CHRM2: variants seen among roughly 807,000 people sequenced by gnomAD.
CHRM2 encodes the protein cholinergic receptor muscarinic 2, also known as muscarinic acetylcholine receptor M2.
In CHRM2, 8 loss-of-function variants were observed where a neutral mutation model predicts 25.0. That is an observed-to-expected ratio of 0.32 (90% confidence interval 0.19 to 0.58). The LOEUF is 0.58. Among genes scored for constraint, CHRM2 ranks in the 20% least tolerant of loss-of-function variants. The pLI, the probability that CHRM2 is intolerant of heterozygous loss-of-function variation, is 0.88. For synonymous variants in CHRM2, 202 were observed against 205.7 expected, an observed-to-expected ratio of 0.98 and a Z score of 0.15; for missense variants, 440 against 567.1, an observed-to-expected ratio of 0.78 and a Z score of 2.28.
At chr7:136,979,591 A>G (rs1301162446) in intron 2 of CHRM2, among the ~76,000 whole-genome samples, 2 of 152,182 alleles carry the variant, frequency 1.3e-5, no homozygotes, top group African/African-American at 4.8e-5. Flanking sequence ...CTTACATTTA[A>G]ATCTTTAATC....
At chr7:136,875,573 C>G (rs1032400351) in intron 2 of CHRM2, among the ~76,000 whole-genome samples, 1 of 152,126 alleles carries the variant, frequency 6.6e-6, no homozygotes, top group Non-Finnish European at 1.5e-5. Context: ...ACCGGTCTCC[C>G]ACTCTCCAGT....
At chr7:136,909,175 C>T (rs1264604817) in intron 2 of CHRM2, among the ~76,000 whole-genome samples, 3 of 151,836 alleles carry the variant, frequency 2.0e-5, no homozygotes, top group African/African-American at 7.2e-5. Flanking sequence ...TAATTGCTTC[C>T]AACTCTTATT....
At chr7:136,963,059 A>T (rs1801197343) in intron 2 of CHRM2, among the ~76,000 whole-genome samples, 2 of 152,300 alleles carry the variant, frequency 1.3e-5, no homozygotes, top group African/African-American at 2.4e-5. Context: ...AATGAACTGG[A>T]TGTGTGATGT....
intron 2 of CHRM2, among the ~76,000 whole-genome samples, chr7:136,916,391 T>G (rs1332689415): frequency 6.6e-6 from 1 of 151,884 alleles, no homozygotes; most frequent in Non-Finnish European, 1.5e-5. Context: ...TTGAAGAGGC[T>G]ATTTTATTTT....
chr7:136,898,576 C>G (rs1053748053), intron 2 of CHRM2, among the ~76,000 whole-genome samples: 18 of 151,634 alleles, frequency 1.2e-4, no homozygotes, highest in Non-Finnish European at 4.4e-5. Context: ...TGATTTGGCT[C>G]TGTGAGAGAG....
chr7:136,990,409 T>C (rs1221621751), intron 2 of CHRM2, among the ~76,000 whole-genome samples: 1 of 152,158 alleles, frequency 6.6e-6, no homozygotes, highest in Non-Finnish European at 1.5e-5. Context: ...CCACCATTGA[T>C]CTTTTTACTG....
intron 3 of CHRM2, among the ~76,000 whole-genome samples, chr7:137,004,180 A>G (rs1804262838): frequency 6.6e-6 from 1 of 152,166 alleles, no homozygotes; most frequent in African/African-American, 2.4e-5. Flanking sequence ...ATTCTCAGGC[A>G]TTATATAGGA....
At chr7:137,010,444 T>C (rs1030301171) in intron 3 of CHRM2, among the ~76,000 whole-genome samples, 1 of 152,054 alleles carries the variant, frequency 6.6e-6, no homozygotes, top group African/African-American at 2.4e-5. Flanking sequence ...CATGAGATTA[T>C]GTTATTTCAT....
intron 2 of CHRM2, among the ~76,000 whole-genome samples, chr7:136,892,054 G>T (rs1796711855): frequency 6.6e-6 from 1 of 152,194 alleles, no homozygotes; most frequent in Admixed American, 6.5e-5. Flanking sequence ...TACACAGCAG[G>T]TATTAACACT....
chr7:136,893,471 C>T (rs1296838825), intron 2 of CHRM2, among the ~76,000 whole-genome samples: 3 of 152,122 alleles, frequency 2.0e-5, no homozygotes, highest in African/African-American at 7.2e-5. Context: ...ATTGGCACAC[C>T]ACTGAGGCCA....
intron 2 of CHRM2, among the ~76,000 whole-genome samples, chr7:136,910,989 T>C (rs1463396514): frequency 6.6e-6 from 1 of 151,904 alleles, no homozygotes; most frequent in Non-Finnish European, 1.5e-5. Context: ...ACATTTCATG[T>C]TTTTTGTCAC....
At chr7:136,928,766 A>G (rs754910717) in intron 2 of CHRM2, among the ~76,000 whole-genome samples, 3 of 152,190 alleles carry the variant, frequency 2.0e-5, no homozygotes, top group Non-Finnish European at 2.9e-5. Flanking sequence ...TTGAATACCA[A>G]TGGAACCATT....
At chr7:136,916,946 CA>C (rs1401802848) in intron 2 of CHRM2, among the ~76,000 whole-genome samples, 1 of 151,682 alleles carries the variant, frequency 6.6e-6, no homozygotes, top group East Asian at 1.9e-4. Flanking sequence ...TTCAGTTTCA[CA>C]AAAATTCTGT....
intron 3 of CHRM2, among the ~76,000 whole-genome samples, chr7:137,012,844 ATACAGATTTAAAGTTC>A (rs2131120280): frequency 6.6e-6 from 1 of 152,092 alleles, no homozygotes; most frequent in African/African-American, 2.4e-5. Context: ...ATTTTTATAG[ATACAGATTTAAAGTTC>A]TATAGATATA....
intron 2 of CHRM2, among the ~76,000 whole-genome samples, chr7:136,932,709 A>G (rs1403812848): frequency 6.6e-6 from 1 of 152,224 alleles, no homozygotes; most frequent in South Asian, 2.1e-4. Flanking sequence ...ACCTTGAGTT[A>G]GTCTGATTTA....
chr7:136,987,812 A>G (rs571672386), intron 2 of CHRM2, among the ~76,000 whole-genome samples: 1 of 152,280 alleles, frequency 6.6e-6, no homozygotes, highest in East Asian at 1.9e-4. Context: ...ACACATTCGG[A>G]CTTCAATTAA....
At chr7:136,895,249 T>C (rs1343184258) in intron 2 of CHRM2, among the ~76,000 whole-genome samples, 3 of 152,230 alleles carry the variant, frequency 2.0e-5, no homozygotes, top group East Asian at 3.8e-4. Flanking sequence ...ATAACATTTA[T>C]GTGTGTCCTA....
chr7:136,879,998 T>C (rs1012299422), intron 2 of CHRM2, among the ~76,000 whole-genome samples: 4 of 151,562 alleles, frequency 2.6e-5, no homozygotes, highest in Admixed American at 2.6e-4. Flanking sequence ...CAGCTTATTC[T>C]AGCTTCTTCA....
At chr7:136,902,859 A>G in intron 2 of CHRM2, 1 of 304,890 alleles carries the variant, frequency 3.3e-6, no homozygotes, top group South Asian at 2.9e-5. Flanking sequence ...TTATACAGCA[A>G]CTGCAGAGCA....
Sources: gnomAD v4.1 joint callset for allele counts (sites outside exome capture counted in the v4.1 genomes callset) on GRCh38, gnomAD v4.1.1 for gene constraint, MANE v1.5 for transcripts, NCBI Gene and HGNC (gene_info 2026-07-23, HGNC 2026-07-21) for gene names.